Variants in CDH18 observed in about 807,000 individuals in gnomAD.
The protein encoded by CDH18 is cadherin-18.
CDH18 carries 31 observed loss-of-function variants against 67.9 expected under a neutral mutation model. The ratio of observed to expected loss-of-function variants is 0.46; its 90% CI spans 0.34 to 0.62. CDH18 has a LOEUF of 0.62. CDH18 is among the 20% of genes least tolerant of loss of function. The pLI, the probability that CDH18 is intolerant of heterozygous loss-of-function variation, is 0.01. For synonymous variants in CDH18, 362 were observed against 347.2 expected (o/e 1.04, Z -0.48); for missense variants, 890 against 975.5 (o/e 0.91, Z 1.17).
At chr5:19,488,623 A>G (rs939096389) in intron 11 of CDH18, among the ~76,000 whole-genome samples, 2 of 152,162 alleles carry the variant, frequency 1.3e-5, no homozygotes, top group Non-Finnish European at 2.9e-5. Flanking sequence ...GAGTGCATGC[A>G]TCAAACAATG....
chr5:19,636,537 T>G (rs1406119695), intron 5 of CDH18, among the ~76,000 whole-genome samples: 1 of 152,000 alleles, frequency 6.6e-6, no homozygotes, highest in Non-Finnish European at 1.5e-5. Flanking sequence ...TTTTGATTGT[T>G]TACCTTTTAA....
rs1166552988 is a variant in CDH18, at chr5:19,797,448, C to T, written c.228+41311G>A. ...TAGCAAATCCCAATGAATCTACAAA[C>T]AAAACAAAACAAAGAAATAAACTAA... On this transcript the variant is annotated intron_variant, in intron 3 of 12. Coordinates refer to ENST00000382275, the MANE Select transcript of CDH18 (RefSeq NM_004934.5). 3.3e-5 allele frequency among the ~76,000 whole-genome samples: 5 copies of T among 151,802 alleles called. No homozygotes were observed. The South Asian group carries it at 1.0e-3, about 32-fold the overall frequency.
At position 19,963,512 on chromosome 5, in the gene CDH18, TAGTG is replaced by T. The variant is rs1797117641; in HGVS notation, c.-257+17544_-257+17547del. Among the ~76,000 whole-genome samples, 3 of 152,094 alleles carry T rather than the reference TAGTG, an allele frequency of 2.0e-5. No homozygotes were observed. In the South Asian group the frequency reaches 6.2e-4, roughly 32 times the overall value. ...TACACTTATGATGCTGTTCTAGTGA[TAGTG>T]AGTGAGTTCTCGTGAGATCTGTTGG... On this transcript the variant is annotated intron_variant, in intron 2 of 12. Coordinates refer to ENST00000382275, the MANE Select transcript of CDH18 (RefSeq NM_004934.5).
Position 19,838,877 on chromosome 5 carries a change from T to C in CDH18, c.110A>G (p.Gln37Arg). The C allele has an allele frequency of 6.2e-7, 1 of 1,614,126 alleles. No individual in the cohort carries two copies. The highest frequency in any genetic ancestry group is 8.5e-7 in the Non-Finnish European group (1 of 1,179,950). ...GGTTTCACCTTCAATGTGTTTGGTTTGGTTTCTCATCACCTTGATGGAGCT... is the reference window on the plus strand; with the variant it reads ...GGTTTCACCTTCAATGTGTTTGGTTCGGTTTCTCATCACCTTGATGGAGCT... ...HHSSIKVMRNQTKHIEGETEV... is the reference protein window; with the variant it reads ...HHSSIKVMRNRTKHIEGETEV... The change falls in exon 3 of 13, where the codon CAA becomes CGA. Residue 37 changes from glutamine (Q) to arginine (R), a missense_variant. By Grantham distance (43) the Gln-to-Arg change is conservative. Coordinates refer to ENST00000382275, the MANE Select transcript of CDH18 (RefSeq NM_004934.5).
At position 19,483,402 on chromosome 5, in the gene CDH18, T is replaced by A. The variant is rs1241672834; in HGVS notation, c.1781A>T (p.Asp594Val). ...TGCATGGCAGGTCCGCACACGCCCA[T>A]CTCTCTCGCATGCACAAACCCTGAT... Reference protein sequence around the residue: ...LTIRVCACERDGRVRTCHAEA... With the variant: ...LTIRVCACERVGRVRTCHAEA... Residue 594 changes from aspartate (D) to valine (V), a missense_variant, in exon 12 of 13, where the codon GAT becomes GTT. Asp to Val is a radical substitution (Grantham distance 152, BLOSUM62 -3). This residue lies in a region of CDH18 where 656 missense variants were observed against 668.1 expected (regional missense o/e 0.98). Coordinates refer to ENST00000382275, the MANE Select transcript of CDH18 (RefSeq NM_004934.5). The A allele has an allele frequency of 1.2e-6, 2 of 1,613,920 alleles. No homozygotes were observed. Among genetic ancestry groups the A allele is most frequent in the Admixed American group, 1.7e-5 (1 of 59,986 alleles).
At chr5:19,855,620 A>G (rs1784199361) in intron 2 of CDH18, among the ~76,000 whole-genome samples, 1 of 152,154 alleles carries the variant, frequency 6.6e-6, no homozygotes, top group African/African-American at 2.4e-5. Context: ...TTCTGAACAA[A>G]TGACAGAAAA....
rs1452531180 is a variant in CDH18, at chr5:19,759,234, T to C, written c.229-11998A>G. Among the ~76,000 whole-genome samples the C allele has an allele frequency of 2.0e-5, 3 of 152,334 alleles. No individual in the cohort carries two copies. In the South Asian group the frequency reaches 6.2e-4, roughly 32 times the overall value. On this transcript the variant is annotated intron_variant, in intron 3 of 12. Coordinates refer to ENST00000382275, the MANE Select transcript of CDH18 (RefSeq NM_004934.5). ...CTCATTCTCCAAGATCCACCTGTTT[T>C]CTGCACAGGCCAAATGGAAGAGTTG...
intron 1 of CDH18, among the ~76,000 whole-genome samples, chr5:20,508,029 A>G (rs2126471624): frequency 6.6e-6 from 1 of 152,142 alleles, no homozygotes; most frequent in South Asian, 2.1e-4. Flanking sequence ...AAAGTTATCA[A>G]ATAAAATAGC....
At chr5:20,457,178 G>A (rs938102037) in intron 1 of CDH18, among the ~76,000 whole-genome samples, 14 of 152,146 alleles carry the variant, frequency 9.2e-5, no homozygotes, top group Non-Finnish European at 2.9e-5. Flanking sequence ...CTATTGAAAC[G>A]GTGTCACAGG....
At chr5:19,669,471 A>G (rs1758444714) in intron 5 of CDH18, among the ~76,000 whole-genome samples, 1 of 151,690 alleles carries the variant, frequency 6.6e-6, no homozygotes, top group Admixed American at 6.6e-5. Context: ...TTGTATTCTT[A>G]GCAGAGACGG....
intron 5 of CDH18, among the ~76,000 whole-genome samples, chr5:19,666,042 A>G (rs998350530): frequency 6.6e-6 from 1 of 151,874 alleles, no homozygotes; most frequent in South Asian, 2.1e-4. Context: ...ACAAGACACA[A>G]GTATTATTCA....
chr5:20,436,743 G>A (rs1280434882), intron 1 of CDH18, among the ~76,000 whole-genome samples: 5 of 150,150 alleles, frequency 3.3e-5, no homozygotes, highest in Admixed American at 2.7e-4. Flanking sequence ...ATTAACTTTA[G>A]GGCTGTAAAA....
intron 2 of CDH18, among the ~76,000 whole-genome samples, chr5:19,884,862 A>T (rs1166131659): frequency 2.6e-5 from 4 of 152,144 alleles, no homozygotes; most frequent in Non-Finnish European, 5.9e-5. Context: ...GATATGTAGT[A>T]CAGCAAGGTT....
At chr5:20,353,896 A>G (rs1042456733) in intron 1 of CDH18, among the ~76,000 whole-genome samples, 1 of 152,186 alleles carries the variant, frequency 6.6e-6, no homozygotes, top group African/African-American at 2.4e-5. Context: ...GAAGCTAAAG[A>G]GTCCCTTGCC....
Position 20,172,201 on chromosome 5 carries a change from T to TATATATAC in CDH18, c.-518+83242_-518+83243insGTATATAT, listed in dbSNP as rs1580398890. On this transcript the variant is annotated intron_variant, in intron 2 of 14. Coordinates refer to the CDH18 transcript ENST00000507958. ...CAATAGCATTGTGTGTATATATATA[T>TATATATAC]ATATATATATATATATATATATGTA... is the stretch of plus-strand genomic sequence containing the variant. Among the ~76,000 whole-genome samples, 2 of 54,986 alleles carry TATATATAC rather than the reference T, an allele frequency of 3.6e-5. 1 individual carries two copies. The highest frequency in any genetic ancestry group is 1.8e-4 in the African/African-American group (2 of 11,124). The allele number at this position is 54,986 out of a possible 152,430, so 36.1% of individuals were successfully genotyped here. A position where few individuals can be genotyped will look rare whatever the true frequency, so the allele number is the denominator to read the frequency against.
At chr5:20,531,649 A>G (rs980208139) in intron 1 of CDH18, among the ~76,000 whole-genome samples, 1 of 151,358 alleles carries the variant, frequency 6.6e-6, no homozygotes, top group Non-Finnish European at 1.5e-5. Flanking sequence ...CACAAAACCA[A>G]ACACAGCATG....
intron 3 of CDH18, among the ~76,000 whole-genome samples, chr5:19,799,251 G>T (rs1581400614): frequency 6.6e-6 from 1 of 152,030 alleles, no homozygotes; most frequent in South Asian, 2.1e-4. Flanking sequence ...GCTGGGGGAA[G>T]GGAGAAATGT....
At chr5:20,286,139 C>G (rs1273159591) in intron 1 of CDH18, among the ~76,000 whole-genome samples, 1 of 151,154 alleles carries the variant, frequency 6.6e-6, no homozygotes, top group East Asian at 1.9e-4. Context: ...ATACCTTGCC[C>G]AAATAAATTC....
At chr5:20,572,613 T>A (rs1758877783) in intron 1 of CDH18, among the ~76,000 whole-genome samples, 1 of 152,120 alleles carries the variant, frequency 6.6e-6, no homozygotes, top group African/African-American at 2.4e-5. Flanking sequence ...AAGCTACTTT[T>A]AAAAGTATTC....
Sources: gnomAD v4.1 joint callset for allele counts (sites outside exome capture counted in the v4.1 genomes callset) on GRCh38, gnomAD v4.1.1 for gene constraint, gnomAD v4.1.1 regional missense constraint, MANE v1.5 for transcripts, NCBI Gene and HGNC (gene_info 2026-07-23, HGNC 2026-07-21) for gene names.